The following NKAIN2 variants were observed in gnomAD, a reference collection of about 807,000 sequenced individuals.
NKAIN2 encodes the protein sodium/potassium-transporting ATPase subunit beta-1-interacting protein 2.
In NKAIN2, 14 loss-of-function variants were observed where a neutral mutation model predicts 32.6. The observed-to-expected ratio is 0.43, with a 90% CI of 0.28 to 0.67. The LOEUF (loss-of-function observed/expected upper bound fraction) is 0.67. Ranked by LOEUF, NKAIN2 falls within the 30% of genes least tolerant of loss-of-function variation. NKAIN2 has a pLI of 0.17. For missense variants in NKAIN2, 198 were observed against 258.3 expected, an observed-to-expected ratio of 0.77 and a Z score of 1.60; for synonymous variants, 80 against 87.2, an observed-to-expected ratio of 0.92 and a Z score of 0.46.
chr6:124,696,104 C>T (rs1338313672), intron 4 of NKAIN2, among the ~76,000 whole-genome samples: 1 of 152,112 alleles, frequency 6.6e-6, no homozygotes, highest in Non-Finnish European at 1.5e-5. Flanking sequence ...TTCATCCTCT[C>T]AGGTAGGAGG....
At chr6:124,633,866 C>T (rs1047429384) in intron 3 of NKAIN2, among the ~76,000 whole-genome samples, 2 of 152,168 alleles carry the variant, frequency 1.3e-5, no homozygotes, top group African/African-American at 4.8e-5. Context: ...CACTGCACAA[C>T]CATGCATGTG....
intron 3 of NKAIN2, among the ~76,000 whole-genome samples, chr6:124,484,823 A>G (rs1777588370): frequency 6.6e-6 from 1 of 152,198 alleles, no homozygotes; most frequent in East Asian, 1.9e-4. Flanking sequence ...AAATATATAC[A>G]TGCATGTGTG....
intron 4 of NKAIN2, among the ~76,000 whole-genome samples, chr6:124,724,630 G>A (rs189225109): frequency 1.3e-5 from 2 of 152,246 alleles, no homozygotes; most frequent in Admixed American, 1.3e-4. Context: ...GAGTTATAGT[G>A]ATATAACAAC....
At chr6:124,348,816 A>G (rs1316612300) in intron 2 of NKAIN2, among the ~76,000 whole-genome samples, 1 of 152,144 alleles carries the variant, frequency 6.6e-6, no homozygotes, top group Admixed American at 6.5e-5. Context: ...GGGGAAGCTC[A>G]AGGGGTCAGG....
At chr6:124,572,800 A>G (rs1781177931) in intron 3 of NKAIN2, among the ~76,000 whole-genome samples, 1 of 152,090 alleles carries the variant, frequency 6.6e-6, no homozygotes, top group Non-Finnish European at 1.5e-5. Context: ...ATTTCATACA[A>G]TTTAATTCTC....
rs554002555 is a variant in NKAIN2 at position 124,452,822 on chromosome 6, G to A, written c.273+97475G>A. Among the ~76,000 whole-genome samples, 4 of 152,192 alleles carry A rather than the reference G, an allele frequency of 2.6e-5. No homozygotes were observed. The East Asian group carries it at 5.8e-4, about 22-fold the overall frequency. ...CATACATTGTCACAGAATTAATTGC[G>A]TATGTAAATTCGGGTGCAGTAATAA... On this transcript the variant is annotated intron_variant, in intron 3 of 6. Transcript: ENST00000368417.
chr6:124,290,603 C>T (rs1009298617), intron 2 of NKAIN2, among the ~76,000 whole-genome samples: 2 of 149,278 alleles, frequency 1.3e-5, no homozygotes, highest in African/African-American at 2.5e-5. Flanking sequence ...TGTCTAATAA[C>T]GACCTGCCCC....
chr6:124,343,829 A>G lies in NKAIN2; in HGVS notation c.193-11438A>G, dbSNP rs764963423. ...TTCTTTTGCTGTGCAGAAGCTCTTTAGTTTAATTAGATCCCATTTGTCAAT... is the reference window on the plus strand; with the variant it reads ...TTCTTTTGCTGTGCAGAAGCTCTTTGGTTTAATTAGATCCCATTTGTCAAT... On this transcript the variant is annotated intron_variant, in intron 2 of 6. Transcript: ENST00000368417. 1.0e-4 allele frequency among the ~76,000 whole-genome samples: 15 copies of G among 145,908 alleles called. 1 individual carries two copies. Among genetic ancestry groups the G allele is most frequent in the Non-Finnish European group, 2.1e-4 (14 of 65,510 alleles).
At chr6:124,382,657 G>A (rs1446655591) in intron 3 of NKAIN2, among the ~76,000 whole-genome samples, 2 of 152,096 alleles carry the variant, frequency 1.3e-5, no homozygotes, top group East Asian at 3.9e-4. Flanking sequence ...TACAAAGTAA[G>A]CAGAAGAAAA....
intron 1 of NKAIN2, among the ~76,000 whole-genome samples, chr6:123,981,808 G>GTCC (rs1778911421): frequency 6.6e-6 from 1 of 152,148 alleles, no homozygotes; most frequent in Admixed American, 6.5e-5. Context: ...ATGTGAGTGT[G>GTCC]TTGAGGGAGG....
At chr6:124,573,950 C>T (rs1399661886) in intron 3 of NKAIN2, among the ~76,000 whole-genome samples, 3 of 152,138 alleles carry the variant, frequency 2.0e-5, no homozygotes, top group Non-Finnish European at 4.4e-5. Context: ...GGCTTTTCCA[C>T]TCATGTGCAC....
chr6:124,695,193 C>T (rs956292623), intron 4 of NKAIN2, among the ~76,000 whole-genome samples: 8 of 150,996 alleles, frequency 5.3e-5, no homozygotes, highest in African/African-American at 1.9e-4. Context: ...AAAAGTAGAA[C>T]CTCAGAACAG....
chr6:124,180,144 T>C (rs762986076), intron 1 of NKAIN2, among the ~76,000 whole-genome samples: 29 of 151,946 alleles, frequency 1.9e-4, no homozygotes, highest in African/African-American at 7.0e-4. Flanking sequence ...TCCAGATAGA[T>C]AGATAGATAG....
At chr6:124,360,132 C>A (rs551181029) in intron 3 of NKAIN2, among the ~76,000 whole-genome samples, 1 of 152,242 alleles carries the variant, frequency 6.6e-6, no homozygotes, top group Admixed American at 6.5e-5. Context: ...CCCACTTGAT[C>A]ATGGTGGATA....
intron 1 of NKAIN2, among the ~76,000 whole-genome samples, chr6:124,223,957 G>A (rs533786441): frequency 6.6e-6 from 1 of 152,270 alleles, no homozygotes; most frequent in South Asian, 2.1e-4. Flanking sequence ...ATGAGATGGT[G>A]CATGGACAGG....
chr6:124,348,914 G>A (rs1450407097), intron 2 of NKAIN2, among the ~76,000 whole-genome samples: 1 of 152,114 alleles, frequency 6.6e-6, no homozygotes, highest in African/African-American at 2.4e-5. Context: ...CTTTTCCGAC[G>A]GGCTTAAAAA....
intron 1 of NKAIN2, among the ~76,000 whole-genome samples, chr6:123,938,594 A>C (rs1400760579): frequency 7.4e-6 from 1 of 136,048 alleles, no homozygotes; most frequent in Non-Finnish European, 1.6e-5. Context: ...TAGTTTTTAT[A>C]TATTATATAT....
At chr6:123,991,250 G>A (rs1779396981) in intron 1 of NKAIN2, among the ~76,000 whole-genome samples, 2 of 152,120 alleles carry the variant, frequency 1.3e-5, no homozygotes, top group Admixed American at 6.5e-5. Flanking sequence ...GATACTTAAT[G>A]AGTACATAAA....
intron 1 of NKAIN2, among the ~76,000 whole-genome samples, chr6:124,028,834 T>C (rs368553382): frequency 4.4e-5 from 6 of 137,768 alleles, no homozygotes; most frequent in South Asian, 2.2e-4. Flanking sequence ...TATATATACA[T>C]ATATATGTAT....
Sources: allele counts gnomAD v4.1 joint callset (sites outside exome capture counted in the v4.1 genomes callset), GRCh38; gene constraint gnomAD v4.1.1; transcripts MANE v1.5; gene names NCBI Gene and HGNC (gene_info 2026-07-23, HGNC 2026-07-21).